Variants in EPB41L3 observed in about 807,000 individuals in gnomAD.
EPB41L3 encodes erythrocyte membrane protein band 4.1 like 3, also known as band 4.1-like protein 3.
A neutral mutation model predicts 127.1 loss-of-function variants in EPB41L3; 57 were observed. That is an observed-to-expected ratio of 0.45 (90% CI 0.36 to 0.56). EPB41L3 has a LOEUF of 0.56. EPB41L3 is among the 20% of genes least tolerant of loss of function. EPB41L3 has a pLI of 0.00. For missense variants in EPB41L3, 1,273 were observed against 1,372.2 expected, an observed-to-expected ratio of 0.93 and a Z score of 1.14; for synonymous variants, 572 against 549.5, an observed-to-expected ratio of 1.04 and a Z score of -0.57.
At chr18:5,440,736 C>G (rs552263348) in intron 5 of EPB41L3, among the ~76,000 whole-genome samples, 1 of 151,988 alleles carries the variant, frequency 6.6e-6, no homozygotes, top group South Asian at 2.1e-4. Context: ...CATAAAAGTG[C>G]GATATATGCT....
chr18:5,459,534 G>A (rs1012673693), intron 3 of EPB41L3, among the ~76,000 whole-genome samples: 19 of 152,048 alleles, frequency 1.2e-4, no homozygotes, highest in African/African-American at 4.1e-4. Context: ...AGATCTTTTT[G>A]AGGATAAAAA....
At chr18:5,560,057 A>C (rs917453657) in intron 3 of EPB41L3, among the ~76,000 whole-genome samples, 9 of 152,150 alleles carry the variant, frequency 5.9e-5, no homozygotes, top group African/African-American at 1.9e-4. Context: ...GCCTCTATTG[A>C]CCTTACACAA....
intron 1 of EPB41L3, among the ~76,000 whole-genome samples, chr18:5,498,637 A>T (rs562266979): frequency 1.3e-5 from 2 of 150,118 alleles, no homozygotes; most frequent in South Asian, 4.2e-4. Context: ...AACTGATGAC[A>T]TCATTTCCCT....
intron 2 of EPB41L3, among the ~76,000 whole-genome samples, chr18:5,484,283 T>A (rs914233795): frequency 1.3e-5 from 2 of 149,422 alleles, no homozygotes; most frequent in African/African-American, 4.9e-5. Flanking sequence ...AAAAAAAAAA[T>A]TATCAAAACA....
intron 8 of EPB41L3, among the ~76,000 whole-genome samples, chr18:5,432,526 GGA>G (rs1173546449): frequency 6.6e-6 from 1 of 152,066 alleles, no homozygotes; most frequent in African/African-American, 2.4e-5. Flanking sequence ...TCCAAACCTA[GGA>G]TCCTAACACA....
At chr18:5,525,307 G>T (rs1269130181) in intron 1 of EPB41L3, among the ~76,000 whole-genome samples, 1 of 152,148 alleles carries the variant, frequency 6.6e-6, no homozygotes, top group African/African-American at 2.4e-5. Context: ...CTAGGAAAGC[G>T]CTCACAGACG....
At chr18:5,430,358 G>A (rs953554273) in intron 8 of EPB41L3, among the ~76,000 whole-genome samples, 8 of 152,080 alleles carry the variant, frequency 5.3e-5, no homozygotes, top group African/African-American at 1.4e-4. Context: ...CACGGCCAGC[G>A]CACTGCCTAC....
At chr18:5,447,730 C>T (rs2081707977) in intron 3 of EPB41L3, among the ~76,000 whole-genome samples, 1 of 152,076 alleles carries the variant, frequency 6.6e-6, no homozygotes, top group Non-Finnish European at 1.5e-5. Flanking sequence ...CTTTCCTTTG[C>T]CTAACAAGAG....
chr18:5,423,253 T>A (rs1252488734), intron 11 of EPB41L3, 125 bp downstream of exon 11: 2 of 1,013,562 alleles, frequency 2.0e-6, no homozygotes, highest in Middle Eastern at 3.3e-4. Flanking sequence ...ATTCAGTCAA[T>A]AAGCAACAAC....
chr18:5,618,141 T>C (rs1040412565), intron 1 of EPB41L3, among the ~76,000 whole-genome samples: 7 of 152,164 alleles, frequency 4.6e-5, no homozygotes, highest in Admixed American at 2.0e-4. Context: ...CAAATACACT[T>C]TTCAAAAAAT....
At chr18:5,593,421 T>C (rs1204305369) in intron 3 of EPB41L3, among the ~76,000 whole-genome samples, 5 of 152,130 alleles carry the variant, frequency 3.3e-5, no homozygotes, top group Non-Finnish European at 5.9e-5. Flanking sequence ...AAGTTTTTAT[T>C]ACAGATTTTC....
chr18:5,592,751 G>A (rs2094497420), intron 3 of EPB41L3, among the ~76,000 whole-genome samples: 1 of 152,208 alleles, frequency 6.6e-6, no homozygotes, highest in African/African-American at 2.4e-5. Flanking sequence ...GCACCTGGGA[G>A]GTCCTCACTT....
At chr18:5,545,137 C>T (rs960518502), upstream of EPB41L3, among the ~76,000 whole-genome samples, 5 of 152,120 alleles carry the variant, frequency 3.3e-5, no homozygotes, top group Non-Finnish European at 5.9e-5. Flanking sequence ...TTAGCAAAAT[C>T]CTGAATACAA....
At chr18:5,629,193 C>G (rs1243720161), upstream of EPB41L3, among the ~76,000 whole-genome samples, 1 of 152,090 alleles carries the variant, frequency 6.6e-6, no homozygotes, top group Non-Finnish European at 1.5e-5. Flanking sequence ...ATCCCCCACC[C>G]GCACCCTTTG....
intron 1 of EPB41L3, among the ~76,000 whole-genome samples, chr18:5,522,192 C>T (rs1377470366): frequency 2.6e-5 from 4 of 152,146 alleles, no homozygotes; most frequent in African/African-American, 9.7e-5. Flanking sequence ...CAACCTCCGC[C>T]TCCCAGGTTC....
At chr18:5,440,699 A>C (rs1267548783) in intron 5 of EPB41L3, among the ~76,000 whole-genome samples, 1 of 152,218 alleles carries the variant, frequency 6.6e-6, no homozygotes, top group Non-Finnish European at 1.5e-5. Context: ...GACAAATCTT[A>C]AAATTTCTAA....
intron 1 of EPB41L3, chr18:5,540,620 T>C: frequency 3.4e-6 from 3 of 887,580 alleles, no homozygotes; most frequent in Non-Finnish European, 4.1e-6. Context: ...AGCTAGCCGT[T>C]TGAAAGAAAT....
chr18:5,519,916 A>T (rs544509996), intron 1 of EPB41L3, among the ~76,000 whole-genome samples: 146 of 152,198 alleles, frequency 9.6e-4, no homozygotes, highest in Non-Finnish European at 1.2e-3. Flanking sequence ...CACTGTACAA[A>T]TGTTGGCTAG....
At chr18:5,417,303 C>T (rs2076943345) in intron 12 of EPB41L3, among the ~76,000 whole-genome samples, 1 of 152,178 alleles carries the variant, frequency 6.6e-6, no homozygotes, top group Non-Finnish European at 1.5e-5. Flanking sequence ...AGGTGCTCCC[C>T]TGGTGAGCTC....
Sources: gnomAD v4.1 joint callset for allele counts (sites outside exome capture counted in the v4.1 genomes callset) on GRCh38, gnomAD v4.1.1 for gene constraint, MANE v1.5 for transcripts, NCBI Gene and HGNC (gene_info 2026-07-23, HGNC 2026-07-21) for gene names.